The following ARHGAP24 variants were observed in gnomAD, a reference collection of about 807,000 sequenced individuals.
ARHGAP24 encodes the protein Rho GTPase activating protein 24.
A neutral mutation model predicts 76.4 loss-of-function variants in ARHGAP24; 50 were observed. The ratio of observed to expected loss-of-function variants is 0.65; its 90% CI spans 0.52 to 0.83. The LOEUF is 0.83. Among genes scored for constraint, ARHGAP24 ranks in the 40% least tolerant of loss-of-function variants. The pLI, the probability that ARHGAP24 is intolerant of heterozygous loss-of-function variation, is 0.00. For missense variants in ARHGAP24, 930 were observed against 914.2 expected, an observed-to-expected ratio of 1.02 and a Z score of -0.22; for synonymous variants, 345 against 323.3, an observed-to-expected ratio of 1.07 and a Z score of -0.72.
intron 5 of ARHGAP24, among the ~76,000 whole-genome samples, chr4:85,968,276 G>A (rs1408810358): frequency 3.3e-5 from 5 of 152,096 alleles, no homozygotes; most frequent in Non-Finnish European, 7.4e-5. Context: ...TTGGCCTTCA[G>A]TGAGGCCTTG....
At chr4:85,982,088 C>A (rs973817577) in intron 8 of ARHGAP24, among the ~76,000 whole-genome samples, 1 of 151,340 alleles carries the variant, frequency 6.6e-6, no homozygotes, top group Non-Finnish European at 1.5e-5. Flanking sequence ...GGAAATGTTG[C>A]CCATGAGTTT....
At chr4:85,719,940 A>G (rs921952852) in intron 2 of ARHGAP24, among the ~76,000 whole-genome samples, 7 of 152,158 alleles carry the variant, frequency 4.6e-5, no homozygotes, top group Admixed American at 3.3e-4. Flanking sequence ...AGATGGGAGC[A>G]TGCTGCCATT....
intron 3 of ARHGAP24, among the ~76,000 whole-genome samples, chr4:85,919,133 T>G (rs1329413346): frequency 6.6e-6 from 1 of 152,200 alleles, no homozygotes; most frequent in East Asian, 1.9e-4. Context: ...ATCTCAACAT[T>G]GCTTTTAAAA....
intron 1 of ARHGAP24, among the ~76,000 whole-genome samples, chr4:85,495,089 C>T (rs537550894): frequency 0.018 from 2,276 of 124,028 alleles, 40 homozygotes; most frequent in Non-Finnish European, 0.027. Flanking sequence ...TGCGAGACTC[C>T]GTCTCAAAAA....
chr4:85,593,801 C>T (rs895426378), intron 2 of ARHGAP24, among the ~76,000 whole-genome samples: 5 of 152,086 alleles, frequency 3.3e-5, no homozygotes, highest in African/African-American at 4.8e-5. Flanking sequence ...TATTCTGTTA[C>T]ACTGGTCTAT....
chr4:85,675,309 A>ACGTTGTATCATCTACC, intron 2 of ARHGAP24, among the ~76,000 whole-genome samples: 1 of 152,340 alleles, frequency 6.6e-6, no homozygotes, highest in East Asian at 1.9e-4. Context: ...TGAGAAATGC[A>ACGTTGTATCATCTACC]CGTTGTATCA....
chr4:85,729,117 T>G (rs1166953509), intron 3 of ARHGAP24, among the ~76,000 whole-genome samples: 1 of 152,222 alleles, frequency 6.6e-6, no homozygotes. Context: ...AAAGCAGCTG[T>G]GACAATCTCT....
At chr4:85,759,115 T>G (rs1188675083) in intron 3 of ARHGAP24, among the ~76,000 whole-genome samples, 1 of 152,208 alleles carries the variant, frequency 6.6e-6, no homozygotes, top group Non-Finnish European at 1.5e-5. Flanking sequence ...GAATCTTGCT[T>G]TTATCCCTAA....
chr4:85,531,364 G>A (rs1725252488), intron 1 of ARHGAP24, among the ~76,000 whole-genome samples: 1 of 152,052 alleles, frequency 6.6e-6, no homozygotes, highest in Non-Finnish European at 1.5e-5. Context: ...GAATAAGTGA[G>A]CAATATAGAA....
intron 3 of ARHGAP24, among the ~76,000 whole-genome samples, chr4:85,765,462 A>C (rs1248890562): frequency 6.6e-6 from 1 of 152,136 alleles, no homozygotes; most frequent in Non-Finnish European, 1.5e-5. Context: ...CCATGTAATA[A>C]AAAAGATTTT....
chr4:85,769,210 C>A (rs1412753521), intron 3 of ARHGAP24, among the ~76,000 whole-genome samples: 3 of 152,158 alleles, frequency 2.0e-5, no homozygotes, highest in African/African-American at 7.2e-5. Context: ...CAGTTTCTCC[C>A]AGGTTAATGA....
chr4:85,786,951 C>G (rs1727872261), intron 3 of ARHGAP24, among the ~76,000 whole-genome samples: 1 of 152,214 alleles, frequency 6.6e-6, no homozygotes, highest in African/African-American at 2.4e-5. Flanking sequence ...CAGCACTTCA[C>G]ATTTTGACTT....
At chr4:85,593,125 C>G (rs1361270821) in intron 2 of ARHGAP24, among the ~76,000 whole-genome samples, 1 of 152,042 alleles carries the variant, frequency 6.6e-6, no homozygotes, top group East Asian at 1.9e-4. Flanking sequence ...TTGTTATTGC[C>G]TGTCTTTTGG....
intron 4 of ARHGAP24, among the ~76,000 whole-genome samples, chr4:85,932,798 C>A (rs1472389765): frequency 6.6e-6 from 1 of 152,202 alleles, no homozygotes; most frequent in East Asian, 1.9e-4. Flanking sequence ...TTTTACGCTT[C>A]CTTTCCATTC....
intron 1 of ARHGAP24, among the ~76,000 whole-genome samples, chr4:85,519,896 T>C (rs1724671546): frequency 1.3e-5 from 2 of 152,166 alleles, no homozygotes; most frequent in African/African-American, 4.8e-5. Flanking sequence ...ATGTCTCCTG[T>C]TTCCTTACAT....
intron 3 of ARHGAP24, among the ~76,000 whole-genome samples, chr4:85,871,632 G>T (rs139067882): frequency 6.6e-6 from 1 of 152,288 alleles, no homozygotes; most frequent in South Asian, 2.1e-4. Flanking sequence ...AAGTGTGATG[G>T]TTGGTAAATT....
chr4:85,652,724 T>C (rs1721990679), intron 2 of ARHGAP24, among the ~76,000 whole-genome samples: 1 of 152,170 alleles, frequency 6.6e-6, no homozygotes, highest in African/African-American at 2.4e-5. Flanking sequence ...TTTTGAGGGA[T>C]GCAGAAACTG....
intron 3 of ARHGAP24, among the ~76,000 whole-genome samples, chr4:85,887,890 G>A (rs997759904): frequency 6.6e-6 from 1 of 152,056 alleles, no homozygotes; most frequent in Non-Finnish European, 1.5e-5. Context: ...TTATCAAAAA[G>A]AAGTAGAAAA....
At chr4:85,507,160 C>G (rs980524236) in intron 1 of ARHGAP24, among the ~76,000 whole-genome samples, 2 of 152,008 alleles carry the variant, frequency 1.3e-5, no homozygotes, top group African/African-American at 4.8e-5. Flanking sequence ...ACATATTGGA[C>G]CTTCTGTTGG....
Sources: gnomAD v4.1 joint callset for allele counts (sites outside exome capture counted in the v4.1 genomes callset) on GRCh38, gnomAD v4.1.1 for gene constraint, MANE v1.5 for transcripts, NCBI Gene and HGNC (gene_info 2026-07-23, HGNC 2026-07-21) for gene names.